Variants in KCNK9 observed in about 807,000 individuals in gnomAD.
KCNK9 encodes potassium channel subfamily K member 9.
KCNK9 carries 1 observed loss-of-function variant against 10.8 expected under a neutral mutation model. The ratio of observed to expected loss-of-function variants is 0.09; its 90% CI spans 0.03 to 0.44. The LOEUF (loss-of-function observed/expected upper bound fraction) is 0.44, where lower values mean the gene tolerates loss of function less well. KCNK9 is among the 20% of genes least tolerant of loss of function. The pLI, the probability that KCNK9 is intolerant of heterozygous loss-of-function variation, is 0.97. For missense variants in KCNK9, 303 were observed against 515.0 expected (o/e 0.59, Z 3.98); for synonymous variants, 231 against 222.7 (o/e 1.04, Z -0.33).
chr8:139,676,511 G>C (rs1270905048), intron 1 of KCNK9, among the ~76,000 whole-genome samples: 2 of 152,228 alleles, frequency 1.3e-5, no homozygotes, highest in Non-Finnish European at 2.9e-5. Flanking sequence ...AAAATGAGAA[G>C]TTTGTCCTCA....
intron 1 of KCNK9, among the ~76,000 whole-genome samples, chr8:139,698,101 G>A (rs1031412687): frequency 3.9e-5 from 6 of 152,206 alleles, no homozygotes; most frequent in African/African-American, 1.4e-4. Context: ...GCCCAGCCCT[G>A]GTCCCAGGGA....
rs1817261262 is a variant in KCNK9 at position 139,702,792 on chromosome 8, C to T, written c.201G>A (p.Leu67=). 6.2e-7 allele frequency: 1 copy of T among 1,613,854 alleles called. No homozygotes were observed. The highest frequency in any genetic ancestry group is 1.7e-5 in the Admixed American group (1 of 60,020). ...EDYRQLELVI[L]QSEPHRAGVQ... ...CGCCGGCGCGGTGCGGTTCCGACTG[C>T]AGGATCACCAGCTCCAGCTGCCGGT... Residue 67 remains leucine (L), a synonymous_variant, in exon 1 of 2, where the codon CTG becomes CTA. Transcript: ENST00000520439. The surrounding 1 kb of genome is among the most constrained non-coding windows in gnomAD (Gnocchi z 7.5).
At chr8:139,655,973 G>T (rs1262965280) in intron 1 of KCNK9, among the ~76,000 whole-genome samples, 1 of 152,172 alleles carries the variant, frequency 6.6e-6, no homozygotes, top group Non-Finnish European at 1.5e-5. Flanking sequence ...CCCCTGCAGG[G>T]ATCAGGTAAA....
chr8:139,691,320 T>C (rs1294421904), intron 1 of KCNK9, among the ~76,000 whole-genome samples: 1 of 152,216 alleles, frequency 6.6e-6, no homozygotes, highest in Non-Finnish European at 1.5e-5. Flanking sequence ...CATGAGCTTG[T>C]CCCAGCTGCC....
At chr8:139,697,422 CAGAT>C (rs972380749) in intron 1 of KCNK9, among the ~76,000 whole-genome samples, 11 of 147,344 alleles carry the variant, frequency 7.5e-5, no homozygotes, top group African/African-American at 2.0e-4. Context: ...TGGGGATAGA[CAGAT>C]GGATGGATGT....
chr8:139,658,687 T>G (rs885724), intron 1 of KCNK9, among the ~76,000 whole-genome samples: 67,523 of 152,068 alleles, frequency 0.44, 17,935 homozygotes, highest in East Asian at 0.86. Context: ...CCTCAGGGAC[T>G]AGCTCTGTGA....
intron 1 of KCNK9, among the ~76,000 whole-genome samples, chr8:139,637,689 G>A (rs547772247): frequency 4.0e-5 from 6 of 151,614 alleles, no homozygotes; most frequent in African/African-American, 1.2e-4. Context: ...ATAGCACAGT[G>A]CTTACAGCTA....
intron 1 of KCNK9, among the ~76,000 whole-genome samples, chr8:139,661,715 G>A (rs572987565): frequency 2.9e-4 from 44 of 152,294 alleles, no homozygotes; most frequent in African/African-American, 1.1e-3. Flanking sequence ...ACAATTCCAG[G>A]GCAAAGGCCT....
intron 1 of KCNK9, among the ~76,000 whole-genome samples, chr8:139,628,806 A>G (rs1396015024): frequency 2.0e-5 from 3 of 152,234 alleles, no homozygotes; most frequent in Admixed American, 1.3e-4. Context: ...AATTTCCAAC[A>G]ACATTCACGA....
chr8:139,620,865 A>G (rs538119054), intron 1 of KCNK9, among the ~76,000 whole-genome samples: 3 of 152,328 alleles, frequency 2.0e-5, no homozygotes, highest in East Asian at 3.9e-4. Flanking sequence ...AAATTATCCA[A>G]TCTGAAGAGC....
At chr8:139,645,253 C>T (rs1815640320) in intron 1 of KCNK9, among the ~76,000 whole-genome samples, 1 of 152,152 alleles carries the variant, frequency 6.6e-6, no homozygotes, top group South Asian at 2.1e-4. Flanking sequence ...AGCAGCCCCA[C>T]CTGCAAGAAG....
At chr8:139,655,397 TG>T (rs1194124997) in intron 1 of KCNK9, among the ~76,000 whole-genome samples, 1 of 152,152 alleles carries the variant, frequency 6.6e-6, no homozygotes. Context: ...CCAGACATGC[TG>T]GCTGGCTGGC....
intron 1 of KCNK9, among the ~76,000 whole-genome samples, chr8:139,650,573 T>C (rs1284305614): frequency 6.6e-6 from 1 of 152,032 alleles, no homozygotes; most frequent in African/African-American, 2.4e-5. Context: ...ACCCCAAGGA[T>C]GGGGAAGGAA....
At chr8:139,626,322 G>A (rs1335145207) in intron 1 of KCNK9, among the ~76,000 whole-genome samples, 1 of 152,166 alleles carries the variant, frequency 6.6e-6, no homozygotes, top group Non-Finnish European at 1.5e-5. Flanking sequence ...GAGGTAGACA[G>A]AGCAGGGCCT....
chr8:139,653,755 G>T (rs1275048913), intron 1 of KCNK9, among the ~76,000 whole-genome samples: 3 of 152,196 alleles, frequency 2.0e-5, no homozygotes, highest in Non-Finnish European at 4.4e-5. Flanking sequence ...AACACGAGGC[G>T]GCATTATCAG....
intron 1 of KCNK9, among the ~76,000 whole-genome samples, chr8:139,642,073 A>G (rs1815522101): frequency 6.6e-6 from 1 of 152,236 alleles, no homozygotes; most frequent in African/African-American, 2.4e-5. Context: ...CTCATCCAAG[A>G]TAGTCTAGAA....
chr8:139,696,910 TGAGTGGGTGGATGGATAGATGGATGAAG>T (rs1817070801), intron 1 of KCNK9, among the ~76,000 whole-genome samples: 1 of 136,962 alleles, frequency 7.3e-6, no homozygotes, highest in African/African-American at 2.8e-5. Flanking sequence ...GATGGATGGG[TGAGTGGGTGGATGGATAGATGGATGAAG>T]GAGTGGGTGG....
chr8:139,646,279 G>T (rs1013050958), intron 1 of KCNK9, among the ~76,000 whole-genome samples: 4 of 152,218 alleles, frequency 2.6e-5, no homozygotes, highest in Non-Finnish European at 5.9e-5. Flanking sequence ...CTGTGCGCTG[G>T]TTCCATTTTG....
chr8:139,659,168 C>T (rs751575117), intron 1 of KCNK9, among the ~76,000 whole-genome samples: 12 of 152,248 alleles, frequency 7.9e-5, no homozygotes, highest in East Asian at 3.8e-4. Flanking sequence ...TAAACACCTG[C>T]GTGGATACGA....
Sources: gnomAD v4.1 joint callset for allele counts (sites outside exome capture counted in the v4.1 genomes callset) on GRCh38, gnomAD v4.1.1 for gene constraint, Gnocchi (gnomAD v3.1) non-coding constraint, MANE v1.5 for transcripts, NCBI Gene and HGNC (gene_info 2026-07-23, HGNC 2026-07-21) for gene names.